Variants in NUP188 observed in about 807,000 individuals in gnomAD.
NUP188 encodes nucleoporin 188.
NUP188 carries 97 observed loss-of-function variants against 223.0 expected under a neutral mutation model. That is an observed-to-expected ratio of 0.43 (90% CI 0.37 to 0.51). The LOEUF (loss-of-function observed/expected upper bound fraction) is 0.51. NUP188 is among the 20% of genes least tolerant of loss of function. NUP188 has a pLI of 0.00. For synonymous variants in NUP188, 869 were observed against 828.0 expected, an observed-to-expected ratio of 1.05 and a Z score of -0.85; for missense variants, 1,947 against 2,175.6, an observed-to-expected ratio of 0.89 and a Z score of 2.09.
chr9:129,001,467 C>T, intron 34 of NUP188, 62 bp from the exon 35 acceptor site: 1 of 1,543,298 alleles, frequency 6.5e-7, no homozygotes, highest in Non-Finnish European at 8.9e-7. Context: ...CCACCGCTGC[C>T]TGTCGTCCTC....
Position 129,002,848 on chromosome 9 carries a change from C to G in NUP188, c.4169C>G (p.Ala1390Gly), listed in dbSNP as rs1362724751. ...TPSASRKSLD[A>G]PSWPGVYRLS... ...AGTGCCTCTCGGAAGTCCCTGGATG[C>G]CCCCTCTTGGCCAGGAGTCTACCGC... The change falls in exon 37 of 44, where the codon GCC (alanine) becomes GGC (glycine). Residue 1390 changes from alanine (A) to glycine (G), a missense_variant. By Grantham distance (60) the Ala-to-Gly change is moderately conservative. Around this residue, in one of 3 missense-constraint regions of NUP188, gnomAD observed 905 missense variants for 990.6 expected, o/e 0.91. Coordinates refer to ENST00000372577, the MANE Select transcript of NUP188 (RefSeq NM_015354.3). 1 of 1,614,144 alleles carries G rather than the reference C, an allele frequency of 6.2e-7. No homozygotes were observed. The highest frequency in any genetic ancestry group is 1.7e-5 in the Admixed American group (1 of 60,016).
At chr9:128,954,472 C>G (rs1157410396) in intron 3 of NUP188, among the ~76,000 whole-genome samples, 1 of 150,678 alleles carries the variant, frequency 6.6e-6, no homozygotes, top group Non-Finnish European at 1.5e-5. Flanking sequence ...GCAAGCTCTG[C>G]CTCCCGGGTT....
At position 129,002,845 on chromosome 9, in the gene NUP188, A is replaced by T; in HGVS notation, c.4166A>T (p.Asp1389Val). 6.2e-7 allele frequency: 1 copy of T among 1,614,164 alleles called. No homozygotes were observed. Among genetic ancestry groups the T allele is most frequent in the Admixed American group, 1.7e-5 (1 of 60,032 alleles). The change falls in exon 37 of 44, where the codon GAT becomes GTT. Residue 1389 changes from aspartate (D) to valine (V), a missense_variant. Coordinates refer to ENST00000372577, the MANE Select transcript of NUP188 (RefSeq NM_015354.3). ...CCTAGTGCCTCTCGGAAGTCCCTGG[A>T]TGCCCCCTCTTGGCCAGGAGTCTAC... Reference protein sequence around the residue: ...QTPSASRKSLDAPSWPGVYRL... With the variant: ...QTPSASRKSLVAPSWPGVYRL...
intron 12 of NUP188, among the ~76,000 whole-genome samples, chr9:128,977,584 C>T (rs1564557530): frequency 6.6e-6 from 1 of 152,130 alleles, no homozygotes; most frequent in African/African-American, 2.4e-5. Flanking sequence ...CCAAGGCAGG[C>T]GGGCCACCTG....
intron 25 of NUP188, among the ~76,000 whole-genome samples, chr9:128,990,555 A>C (rs189638555): frequency 7.9e-5 from 12 of 151,690 alleles, no homozygotes; most frequent in Non-Finnish European, 1.2e-4. Context: ...GTGAAACCCT[A>C]TCTCTCCTAA....
intron 15 of NUP188, among the ~76,000 whole-genome samples, chr9:128,982,285 C>A (rs1490266993): frequency 6.6e-6 from 1 of 151,674 alleles, no homozygotes; most frequent in African/African-American, 2.4e-5. Flanking sequence ...CAAAAATTAG[C>A]CAGGAGTGGT....
intron 31 of NUP188, 92 bp from the exon 32 acceptor site, chr9:128,998,446 C>A: frequency 8.4e-7 from 1 of 1,196,250 alleles, no homozygotes; most frequent in Non-Finnish European, 1.2e-6. Flanking sequence ...GAGCTCACTG[C>A]TGGGGAAGAA....
Position 129,005,054 on chromosome 9 carries a change from A to T in NUP188, c.4435-93A>T, listed in dbSNP as rs971199919. On this transcript the variant is annotated intron_variant, in intron 38 of 43. Transcript: ENST00000372577. ...AAGAGCAGCAGCGAGTGAGGAGCGCATGGGTGTTACATGGAGGGCTATTGG... is the reference window on the plus strand; with the variant it reads ...AAGAGCAGCAGCGAGTGAGGAGCGCTTGGGTGTTACATGGAGGGCTATTGG... 6.1e-6 allele frequency: 5 copies of T among 822,756 alleles called. No individual in the cohort carries two copies. The African/African-American group carries it at 8.4e-5, about 14-fold the overall frequency. The allele number at this position is 822,756 out of a possible 1,614,324, so 51.0% of individuals were successfully genotyped here.
intron 11 of NUP188, among the ~76,000 whole-genome samples, chr9:128,972,462 ACACAGAGGATTT>A (rs146823393): frequency 0.044 from 6,730 of 152,244 alleles, 457 homozygotes; most frequent in African/African-American, 0.14. Flanking sequence ...ATTAGGTAGA[ACACAGAGGATTT>A]CACAGAGGAT....
chr9:128,982,613 A>G lies in NUP188; in HGVS notation c.1581A>G (p.Ala527=). The G allele has an allele frequency of 6.2e-7, 1 of 1,614,162 alleles. No individual in the cohort carries two copies. The highest frequency in any genetic ancestry group is 8.5e-7 in the Non-Finnish European group (1 of 1,180,000). The stretch of plus-strand genomic sequence containing the variant: ...GCCAAGTAATGTTGGATGATAGGGC[A>G]TACCTGGTACGCTGGGAATACTCCT... ...TVGQVMLDDR[A]YLVRWEYSYS... is the part of the protein sequence containing the mutation. The change falls in exon 16 of 44, where the codon GCA becomes GCG. Residue 527 remains alanine, a synonymous_variant. Transcript: ENST00000372577.
Position 129,005,359 on chromosome 9 carries a change from G to A in NUP188, c.4566G>A (p.Pro1522=), listed in dbSNP as rs779048092. The A allele has an allele frequency of 1.2e-5, 20 of 1,613,658 alleles. 1 individual carries two copies. The highest frequency in any genetic ancestry group is 6.7e-5 in the African/African-American group (5 of 74,930). The stretch of plus-strand genomic sequence containing the variant: ...TTGCCCAGCGAGTCCAGAGGCCACC[G>A]TCTGCTGCTTCTGCTGCCCCCTCCT... ...SAVAQRVQRP[P]SAASAAPSSS... Residue 1522 remains proline, a synonymous_variant, in exon 40 of 44, where the codon CCG becomes CCA. Transcript: ENST00000372577.
At chr9:128,961,952 T>C (rs1841961515) in intron 8 of NUP188, among the ~76,000 whole-genome samples, 1 of 151,056 alleles carries the variant, frequency 6.6e-6, no homozygotes, top group Non-Finnish European at 1.5e-5. Flanking sequence ...TTTTTTTTTT[T>C]TTGGACGGAG....
chr9:128,950,340 C>T (rs1214166688), intron 2 of NUP188, among the ~76,000 whole-genome samples: 1 of 152,070 alleles, frequency 6.6e-6, no homozygotes, highest in Non-Finnish European at 1.5e-5. Flanking sequence ...CTGCCTTAGC[C>T]TCTCAAGGAG....
chr9:128,973,301 A>G, intron 12 of NUP188, 52 bp downstream of exon 12: 1 of 1,304,072 alleles, frequency 7.7e-7, no homozygotes. Context: ...TTTGCAATCA[A>G]GTCCCAAAAA....
chr9:128,949,711 C>G (rs941919951), intron 2 of NUP188, among the ~76,000 whole-genome samples: 17 of 152,094 alleles, frequency 1.1e-4, no homozygotes, highest in African/African-American at 4.1e-4. Flanking sequence ...TCACTGCAAC[C>G]TCCGCCTCCC....
chr9:128,949,141 T>C (rs1841738819), intron 1 of NUP188, 48 bp from the exon 2 acceptor site: 1 of 1,415,008 alleles, frequency 7.1e-7, no homozygotes, highest in Admixed American at 1.7e-5. Context: ...GTGTACAAGT[T>C]TGTATGATCA....
chr9:128,984,651 G>C (rs17452449), intron 19 of NUP188, among the ~76,000 whole-genome samples: 6,736 of 152,180 alleles, frequency 0.044, 452 homozygotes, highest in African/African-American at 0.14. Context: ...TCGCCTTGCT[G>C]TCTCTTGACA....
At chr9:128,960,600 A>T (rs1007522593) in intron 8 of NUP188, among the ~76,000 whole-genome samples, 2 of 152,208 alleles carry the variant, frequency 1.3e-5, no homozygotes, top group African/African-American at 2.4e-5. Flanking sequence ...TAAGTTTAGG[A>T]CAATATAAAA....
At chr9:128,967,585 T>G (rs991177072) in intron 8 of NUP188, among the ~76,000 whole-genome samples, 15 of 148,896 alleles carry the variant, frequency 1.0e-4, no homozygotes, top group Admixed American at 2.0e-4. Flanking sequence ...AGGTCAGGAG[T>G]TTGAAACCAG....
Sources: allele counts gnomAD v4.1 joint callset (sites outside exome capture counted in the v4.1 genomes callset), GRCh38; gene constraint gnomAD v4.1.1; regional missense constraint gnomAD v4.1.1; transcripts MANE v1.5; gene names NCBI Gene and HGNC (gene_info 2026-07-23, HGNC 2026-07-21).